Variants in KIRREL1 observed in about 807,000 individuals in gnomAD.
The protein encoded by KIRREL1 is kin of IRRE-like protein 1.
Under a neutral mutation model 83.3 loss-of-function variants are expected in KIRREL1, and 25 were observed. That is an observed-to-expected ratio of 0.30 (90% CI 0.22 to 0.42). The LOEUF (loss-of-function observed/expected upper bound fraction) is 0.42. Among genes scored for constraint, KIRREL1 ranks in the 10% least tolerant of loss-of-function variants. KIRREL1 has a pLI of 1.00. For missense variants in KIRREL1, 812 were observed against 1,032.3 expected, an observed-to-expected ratio of 0.79 and a Z score of 2.92; for synonymous variants, 388 against 410.4, an observed-to-expected ratio of 0.95 and a Z score of 0.66.
chr1:158,054,819 G>A (rs894079111), intron 1 of KIRREL1, among the ~76,000 whole-genome samples: 5 of 152,034 alleles, frequency 3.3e-5, no homozygotes, highest in African/African-American at 9.7e-5. Flanking sequence ...ATTTTATCAA[G>A]TACCTACTCC....
At chr1:158,045,532 A>C (rs1225146476) in intron 1 of KIRREL1, among the ~76,000 whole-genome samples, 1 of 152,218 alleles carries the variant, frequency 6.6e-6, no homozygotes, top group Non-Finnish European at 1.5e-5. Flanking sequence ...CCAAATGAAG[A>C]GACACACAGG....
chr1:158,048,869 A>G (rs1660843120), intron 1 of KIRREL1, among the ~76,000 whole-genome samples: 1 of 152,136 alleles, frequency 6.6e-6, no homozygotes, highest in Non-Finnish European at 1.5e-5. Context: ...AAAGTGTTTG[A>G]ACAATAACAA....
chr1:158,036,874 TAGAC>T (rs1380570774), intron 1 of KIRREL1, among the ~76,000 whole-genome samples: 2 of 152,116 alleles, frequency 1.3e-5, no homozygotes, highest in Non-Finnish European at 2.9e-5. Context: ...TGAGGGCCGT[TAGAC>T]AGGAGTGAGG....
intron 1 of KIRREL1, among the ~76,000 whole-genome samples, chr1:158,010,448 C>CACACAT (rs1659651775): frequency 6.7e-6 from 1 of 148,640 alleles, no homozygotes; most frequent in African/African-American, 2.5e-5. Flanking sequence ...CACACACACA[C>CACACAT]ACACACACAC....
Position 158,001,726 on chromosome 1 carries a change from G to A in KIRREL1, c.52+7998G>A, listed in dbSNP as rs557830961. Among the ~76,000 whole-genome samples the A allele has an allele frequency of 3.9e-4, 60 of 152,298 alleles. 1 individual carries two copies. The highest frequency in any genetic ancestry group is 6.8e-3 in the Middle Eastern group (2 of 294). ...CCAAGATGTTGCTGGTGGGATGTGTGGCGGACACTGAGGCCAGTTGGACTG... is the reference window on the plus strand; with the variant it reads ...CCAAGATGTTGCTGGTGGGATGTGTAGCGGACACTGAGGCCAGTTGGACTG... On this transcript the variant is annotated intron_variant, in intron 1 of 14. Transcript: ENST00000359209.
rs534868791 is a variant in KIRREL1, at chr1:158,082,484, G to A, written c.353-1938G>A. On this transcript the variant is annotated intron_variant, in intron 3 of 14. Transcript: ENST00000359209. ...TGAACAGAATGCTAAGACAGGTTTC[G>A]AGTAGTTTCTACTGGAAACCCCAGC... 3.3e-5 allele frequency among the ~76,000 whole-genome samples: 5 copies of A among 152,178 alleles called. No homozygotes were observed. The South Asian group carries it at 8.3e-4, about 25-fold the overall frequency.
intron 1 of KIRREL1, among the ~76,000 whole-genome samples, chr1:158,049,209 T>G (rs536968127): frequency 6.6e-6 from 1 of 152,340 alleles, no homozygotes; most frequent in South Asian, 2.1e-4. Context: ...TTGGTCAGTA[T>G]AAAAATGAAT....
At chr1:158,032,337 G>A (rs575574130) in intron 1 of KIRREL1, among the ~76,000 whole-genome samples, 1 of 152,218 alleles carries the variant, frequency 6.6e-6, no homozygotes, top group African/African-American at 2.4e-5. Context: ...GGAGCAGGGA[G>A]ATGAGGTTGG....
intron 4 of KIRREL1, among the ~76,000 whole-genome samples, chr1:158,085,960 A>C (rs1662001140): frequency 6.6e-6 from 1 of 152,216 alleles, no homozygotes; most frequent in African/African-American, 2.4e-5. Flanking sequence ...CACACTGACT[A>C]TAAGGGCATA....
rs1662457714 is a variant in KIRREL1 at position 158,100,204 on chromosome 1, C to A, written c.*5084C>A. Reference sequence around the variant, plus strand: ...TACTATATTTTTAGTCTCAAACACACTATATATTATATATATTTAATTTTT... The same window carrying A: ...TACTATATTTTTAGTCTCAAACACAATATATATTATATATATTTAATTTTT... On this transcript the variant is annotated 3_prime_UTR_variant, in exon 15 of 15. Transcript: ENST00000359209. 1 of 148,760 alleles carries A rather than the reference C, an allele frequency of 6.7e-6. No homozygotes were observed. Among genetic ancestry groups the A allele is most frequent in the African/African-American group, 2.4e-5 (1 of 40,836 alleles). 9.2% of individuals were successfully genotyped at this position (148,760 alleles called of 1,614,324 possible). A position where few individuals can be genotyped will look rare whatever the true frequency, so the allele number is the denominator to read the frequency against.
At chr1:158,053,344 T>A (rs1342200221) in intron 1 of KIRREL1, among the ~76,000 whole-genome samples, 3 of 152,128 alleles carry the variant, frequency 2.0e-5, no homozygotes, top group Non-Finnish European at 4.4e-5. Flanking sequence ...CTGGTCAGAG[T>A]CTAGCTGTCC....
At chr1:158,014,602 C>T (rs1342377912) in intron 1 of KIRREL1, among the ~76,000 whole-genome samples, 1 of 143,350 alleles carries the variant, frequency 7.0e-6, no homozygotes, top group Non-Finnish European at 1.5e-5. Context: ...GACTGACCTG[C>T]TTACTCCGGT....
intron 1 of KIRREL1, chr1:158,030,575 A>C (rs1304755975): frequency 1.3e-5 from 2 of 152,126 alleles, no homozygotes; most frequent in African/African-American, 4.8e-5. Flanking sequence ...TGAGTCCTTC[A>C]ATTTCTCTGA....
chr1:158,076,459 G>A (rs1243179303), intron 2 of KIRREL1, among the ~76,000 whole-genome samples, 197 bp downstream of exon 2: 1 of 152,212 alleles, frequency 6.6e-6, no homozygotes. Flanking sequence ...CTCCCACTGA[G>A]GACTGACTTG....
chr1:158,038,964 A>G (rs1660550561), intron 1 of KIRREL1, among the ~76,000 whole-genome samples: 1 of 152,220 alleles, frequency 6.6e-6, no homozygotes, highest in Admixed American at 6.5e-5. Context: ...TAATAGCTGT[A>G]GCTGTCAGCA....
At chr1:158,008,432 G>T (rs886684569) in intron 1 of KIRREL1, among the ~76,000 whole-genome samples, 2 of 152,176 alleles carry the variant, frequency 1.3e-5, no homozygotes, top group African/African-American at 4.8e-5. Context: ...AGCAGGAGAT[G>T]TGTATAGGTT....
At chr1:158,041,010 A>G (rs1187097754) in intron 1 of KIRREL1, among the ~76,000 whole-genome samples, 1 of 152,290 alleles carries the variant, frequency 6.6e-6, no homozygotes, top group South Asian at 2.1e-4. Context: ...GAGGAGAGAG[A>G]GCAGGTAGAT....
Position 158,008,883 on chromosome 1 carries a change from A to C in KIRREL1, c.52+15155A>C, listed in dbSNP as rs142994193. Among the ~76,000 whole-genome samples the C allele has an allele frequency of 2.8e-3, 425 of 152,300 alleles. 1 individual carries two copies. The highest frequency in any genetic ancestry group is 9.5e-3 in the African/African-American group (395 of 41,562). ...CGTACCACCCAATGGCCCTGTCTCC[A>C]TGGGGTCAGCACAGGACAGGATGTA... is the stretch of plus-strand genomic sequence containing the variant. On this transcript the variant is annotated intron_variant, in intron 1 of 14. Transcript: ENST00000359209.
At chr1:158,092,033 C>T (rs763224847) in intron 11 of KIRREL1, among the ~76,000 whole-genome samples, 4 of 152,174 alleles carry the variant, frequency 2.6e-5, no homozygotes, top group Non-Finnish European at 4.4e-5. Context: ...AATAACACGC[C>T]CATCTCATTG....
Sources: gnomAD v4.1 joint callset for allele counts (sites outside exome capture counted in the v4.1 genomes callset) on GRCh38, gnomAD v4.1.1 for gene constraint, MANE v1.5 for transcripts, NCBI Gene and HGNC (gene_info 2026-07-23, HGNC 2026-07-21) for gene names.